ERAP1: variants seen among roughly 807,000 people sequenced by gnomAD.
ERAP1 encodes adipocyte-derived leucine aminopeptidase.
A neutral mutation model predicts 103.7 loss-of-function variants in ERAP1; 86 were observed. The observed-to-expected ratio is 0.83, with a 90% CI of 0.70 to 0.99. The LOEUF (loss-of-function observed/expected upper bound fraction) is 0.99, where lower values mean the gene tolerates loss of function less well. Among genes scored for constraint, ERAP1 ranks in the 50% least tolerant of loss-of-function variants. The pLI is 0.00. For missense variants in ERAP1, 1,009 were observed against 1,128.4 expected (o/e 0.89, Z 1.52); for synonymous variants, 398 against 402.4 (o/e 0.99, Z 0.13).
intron 4 of ERAP1, among the ~76,000 whole-genome samples, 186 bp downstream of exon 4, chr5:96,796,989 A>AT (rs1010145597): frequency 6.6e-6 from 1 of 152,038 alleles, no homozygotes; most frequent in Non-Finnish European, 1.5e-5. Context: ...GGTTCTCACT[A>AT]TTTTGTCCAG....
the ERAP1 span, chr5:96,895,508 C>T: frequency 1.5e-6 from 1 of 648,408 alleles, no homozygotes; most frequent in Non-Finnish European, 2.7e-6. Context: ...AAACAGATCA[C>T]AGAACTGGAT....
the ERAP1 span, chr5:96,901,772 T>A: frequency 7.8e-7 from 1 of 1,290,278 alleles, no homozygotes; most frequent in Non-Finnish European, 1.1e-6. Context: ...GGCAACTTTG[T>A]AGGATGCTAG....
the ERAP1 span, among the ~76,000 whole-genome samples, chr5:96,908,420 T>A: frequency 6.6e-6 from 1 of 152,178 alleles, no homozygotes; most frequent in African/African-American, 2.4e-5. Context: ...ATCTAAAAGA[T>A]GAAAATACTT....
At chr5:96,781,894 G>A (rs374123169) in intron 15 of ERAP1, 40 bp from the exon 16 acceptor site, 2 of 1,606,276 alleles carry the variant, frequency 1.2e-6, no homozygotes, top group Non-Finnish European at 1.7e-6. Flanking sequence ...CTGAGGTGCA[G>A]TAAGTATGTT....
At chr5:96,849,683 C>G in the ERAP1 span, among the ~76,000 whole-genome samples, 1 of 152,042 alleles carries the variant, frequency 6.6e-6, no homozygotes, top group Non-Finnish European at 1.5e-5. Context: ...TCCATACTAC[C>G]CAAAATGATC....
At chr5:96,839,532 A>G in the ERAP1 span, among the ~76,000 whole-genome samples, 2 of 152,222 alleles carry the variant, frequency 1.3e-5, no homozygotes, top group Non-Finnish European at 2.9e-5. Flanking sequence ...AGGGACAAAG[A>G]CCAGCCAAAT....
intron 19 of ERAP1, among the ~76,000 whole-genome samples, chr5:96,767,166 A>C (rs1471088694): frequency 6.6e-6 from 1 of 152,268 alleles, no homozygotes; most frequent in East Asian, 1.9e-4. Flanking sequence ...GTGATAATAC[A>C]TGATGGCAGA....
intron 3 of ERAP1, 90 bp downstream of exon 3, chr5:96,800,772 G>T (rs1038275786): frequency 7.3e-7 from 1 of 1,379,000 alleles, no homozygotes. Context: ...AACAAAACAG[G>T]TGACCCAATG....
At chr5:96,810,127 G>A (rs1376212746), upstream of ERAP1, among the ~76,000 whole-genome samples, 3 of 152,196 alleles carry the variant, frequency 2.0e-5, no homozygotes, top group Non-Finnish European at 2.9e-5. Flanking sequence ...TTAGCCTGTC[G>A]CCCTGGCCGT....
Position 96,775,754 on chromosome 5 carries a change from G to A in ERAP1, c.*642C>T. 4.9e-6 allele frequency: 1 copy of A among 205,700 alleles called. No homozygotes were observed. The highest frequency in any genetic ancestry group is 8.6e-6 in the Non-Finnish European group (1 of 116,738). 12.7% of individuals were successfully genotyped at this position (205,700 alleles called of 1,614,324 possible). ...CCTCTCGGAGCTAAGACCCTCAGGG[G>A]AGGCCAGCCCGAGGCATCCCGCAAG... On this transcript the variant is annotated 3_prime_UTR_variant, in exon 19 of 19. Transcript: ENST00000443439.
At chr5:96,914,148 T>TCACA in the ERAP1 span, among the ~76,000 whole-genome samples, 1,010 of 148,044 alleles carry the variant, frequency 6.8e-3, 5 homozygotes, top group East Asian at 0.016. Context: ...TCTCTCTCTC[T>TCACA]CACACACACA....
At chr5:96,791,410 A>G (rs893531040) in intron 8 of ERAP1, among the ~76,000 whole-genome samples, 1 of 152,252 alleles carries the variant, frequency 6.6e-6, no homozygotes, top group Non-Finnish European at 1.5e-5. Context: ...ACAACAGCCA[A>G]GCACAATGGT....
chr5:96,787,720 C>T (rs929371771), intron 11 of ERAP1, among the ~76,000 whole-genome samples: 9 of 151,470 alleles, frequency 5.9e-5, no homozygotes, highest in East Asian at 3.9e-4. Flanking sequence ...AGATGGATAT[C>T]GATTAATCAA....
chr5:96,791,499 C>G (rs757205713), intron 8 of ERAP1, among the ~76,000 whole-genome samples: 15 of 152,144 alleles, frequency 9.9e-5, no homozygotes, highest in African/African-American at 1.7e-4. Context: ...AAAGCAGAGC[C>G]TTGATCTTAC....
At chr5:96,875,038 G>A in the ERAP1 span, among the ~76,000 whole-genome samples, 2 of 152,196 alleles carry the variant, frequency 1.3e-5, no homozygotes, top group African/African-American at 4.8e-5. Flanking sequence ...GGGAAATCAA[G>A]GAAAGATCTT....
At chr5:96,917,417 G>A in the ERAP1 span, 51 of 1,521,692 alleles carry the variant, frequency 3.4e-5, no homozygotes, top group Middle Eastern at 5.9e-4. Flanking sequence ...CACCACACTC[G>A]GCCAAGACAA....
the ERAP1 span, among the ~76,000 whole-genome samples, chr5:96,882,691 GC>G: frequency 6.6e-6 from 1 of 152,148 alleles, no homozygotes; most frequent in African/African-American, 2.4e-5. Context: ...AATTATTCCA[GC>G]CAGTTAGAAT....
the ERAP1 span, among the ~76,000 whole-genome samples, chr5:96,869,660 A>C: frequency 1.3e-5 from 2 of 152,246 alleles, no homozygotes; most frequent in Admixed American, 6.5e-5. Flanking sequence ...GCTGAAGGAA[A>C]CGAAGAGTGT....
chr5:96,774,628 A>ATT lies in ERAP1; in HGVS notation c.*1767_*1768insAA. The stretch of plus-strand genomic sequence containing the variant: ...ACCAAAACTGAAAATCAATATTTCC[A>ATT]TGTTTCATTAATCAAGGCATAAAAT... On this transcript the variant is annotated 3_prime_UTR_variant, in exon 19 of 19. Transcript: ENST00000443439. The ATT allele has an allele frequency of 1.0e-6, 1 of 985,452 alleles. No homozygotes were observed. 61.0% of individuals were successfully genotyped at this position (985,452 alleles called of 1,614,324 possible).
Sources: allele counts gnomAD v4.1 joint callset (sites outside exome capture counted in the v4.1 genomes callset), GRCh38; gene constraint gnomAD v4.1.1; transcripts MANE v1.5; gene names NCBI Gene and HGNC (gene_info 2026-07-23, HGNC 2026-07-21).